WNT4: variants seen among roughly 807,000 people sequenced by gnomAD.
WNT4 encodes the protein protein Wnt-4.
WNT4 carries 16 observed loss-of-function variants against 34.5 expected under a neutral mutation model. That is an observed-to-expected ratio of 0.46 (90% CI 0.31 to 0.70). The LOEUF (loss-of-function observed/expected upper bound fraction) is 0.70. WNT4 is among the 30% of genes least tolerant of loss of function. The pLI is 0.04. For missense variants in WNT4, 379 were observed against 495.9 expected, an observed-to-expected ratio of 0.76 and a Z score of 2.24; for synonymous variants, 200 against 211.9, an observed-to-expected ratio of 0.94 and a Z score of 0.49.
rs1391986057 is a variant in WNT4 at position 22,119,894 on chromosome 1, T to C, written c.*156A>G. Reference sequence around the variant, plus strand: ...CCTGGTTGGTGCCCTTGGGGTTGCCTGCCTGGTTTCGGCAATAAATAACAT... The same window carrying C: ...CCTGGTTGGTGCCCTTGGGGTTGCCCGCCTGGTTTCGGCAATAAATAACAT... On this transcript the variant is annotated 3_prime_UTR_variant, in exon 5 of 5. Transcript: ENST00000290167. The C allele has an allele frequency of 3.1e-6, 3 of 962,234 alleles. No homozygotes were observed. Among genetic ancestry groups the C allele is most frequent in the Non-Finnish European group, 3.1e-6 (2 of 652,108 alleles). 59.6% of individuals were successfully genotyped at this position (962,234 alleles called of 1,614,324 possible). A position where few individuals can be genotyped will look rare whatever the true frequency, so the allele number is the denominator to read the frequency against.
In WNT4 at chr1:22,137,775, C is replaced by G. The variant is rs1365653348; in HGVS notation, c.77+5071G>C. Among the ~76,000 whole-genome samples, 1 of 152,206 alleles carries G rather than the reference C, an allele frequency of 6.6e-6. No homozygotes were observed. The highest frequency in any genetic ancestry group is 2.4e-5 in the African/African-American group (1 of 41,450). Reference sequence around the variant, plus strand: ...TGGGGGAGAAACACTCAGCCTGGCTCTCAGGGTCTGTTCCGGCCCAGCAGT... The same window carrying G: ...TGGGGGAGAAACACTCAGCCTGGCTGTCAGGGTCTGTTCCGGCCCAGCAGT... On this transcript the variant is annotated intron_variant, in intron 1 of 4. Coordinates refer to ENST00000290167, the MANE Select transcript of WNT4 (RefSeq NM_030761.5). The surrounding 1 kb of genome is among the most constrained non-coding windows in gnomAD (Gnocchi z 5.3).
rs59277012 is a variant in WNT4 at position 22,134,032 on chromosome 1, CTG to C, written c.78-4183_78-4182del. Among the ~76,000 whole-genome samples the C allele has an allele frequency of 8.6e-3, 1,309 of 152,358 alleles. 18 individuals carry two copies. The highest frequency in any genetic ancestry group is 0.031 in the African/African-American group (1,273 of 41,572). ...TCTGCGACTCCTCCCAGCTCTTACG[CTG>C]TGAGTCAAGAGGAGAGGGGACGGGA... is the stretch of plus-strand genomic sequence containing the variant. On this transcript the variant is annotated intron_variant, in intron 1 of 4. Coordinates refer to ENST00000290167, the MANE Select transcript of WNT4 (RefSeq NM_030761.5). This position sits in a 1 kb window ranked among gnomAD's most constrained non-coding sequence, Gnocchi z 4.1.
Position 22,121,556 on chromosome 1 carries a change from C to A in WNT4, c.334G>T (p.Val112Leu), listed in dbSNP as rs1360589444. Residue 112 changes from valine to leucine, a missense_variant, in exon 3 of 5, where the codon GTG becomes TTG. By Grantham distance (32) the Val-to-Leu change is conservative. Coordinates refer to ENST00000290167, the MANE Select transcript of WNT4 (RefSeq NM_030761.5). ...ACACCTGCCGAAGAGATGGCGTACACGAAGGCCGCCTCCCGAGTCCCTGTG... is the reference window on the plus strand; with the variant it reads ...ACACCTGCCGAAGAGATGGCGTACAAGAAGGCCGCCTCCCGAGTCCCTGTG... ...VTQGTREAAF[V>L]YAISSAGVAF... is the part of the protein sequence containing the mutation. 1 of 1,613,670 alleles carries A rather than the reference C, an allele frequency of 6.2e-7. No homozygotes were observed. Among genetic ancestry groups the A allele is most frequent in the Non-Finnish European group, 8.5e-7 (1 of 1,180,024 alleles).
chr1:22,120,305 A>T lies in WNT4; in HGVS notation c.801T>A (p.Asp267Glu), dbSNP rs201963772. Residue 267 changes from aspartate to glutamate, a missense_variant, in exon 5 of 5, where the codon GAT (aspartate) becomes GAA (glutamate). This residue lies in a region of WNT4 where 313 missense variants were observed against 445.8 expected (regional missense o/e 0.70). Coordinates refer to ENST00000290167, the MANE Select transcript of WNT4 (RefSeq NM_030761.5). ...TAGGCTCCAAGTACACCAGGTCCTC[A>T]TCTGTGTGCGGCTTGAACTGTGCGT... Reference protein sequence around the residue: ...PRNAQFKPHTDEDLVYLEPSP... With the variant: ...PRNAQFKPHTEEDLVYLEPSP... 1.4e-4 allele frequency: 220 copies of T among 1,614,112 alleles called. No individual in the cohort carries two copies. The highest frequency in any genetic ancestry group is 2.4e-5 in the Non-Finnish European group (28 of 1,180,044).
rs1376565172 is a variant in WNT4, at chr1:22,134,329, G to T, written c.78-4478C>A. Reference sequence around the variant, plus strand: ...CCTTGGGGGATGCGGGCCAGTGGGGGCGAAAGTGACCACAGTCCCCATCTA... The same window carrying T: ...CCTTGGGGGATGCGGGCCAGTGGGGTCGAAAGTGACCACAGTCCCCATCTA... On this transcript the variant is annotated intron_variant, in intron 1 of 4. Coordinates refer to ENST00000290167, the MANE Select transcript of WNT4 (RefSeq NM_030761.5). The surrounding 1 kb of genome is among the most constrained non-coding windows in gnomAD (Gnocchi z 4.1). 6.6e-6 allele frequency among the ~76,000 whole-genome samples: 1 copy of T among 152,194 alleles called. No individual in the cohort carries two copies. The highest frequency in any genetic ancestry group is 1.9e-4 in the East Asian group (1 of 5,190).
intron 2 of WNT4, among the ~76,000 whole-genome samples, chr1:22,124,568 G>A (rs1003511537): frequency 1.5e-4 from 23 of 152,206 alleles, no homozygotes; most frequent in Admixed American, 1.4e-3. Context: ...CCTTAGCAAT[G>A]AGCTCTCTAC....
intron 4 of WNT4, 65 bp downstream of exon 4, chr1:22,121,146 G>A: frequency 6.6e-7 from 1 of 1,508,990 alleles, no homozygotes; most frequent in African/African-American, 2.0e-5. Flanking sequence ...GTGTGGGTGG[G>A]AGAGTCTGGG....
intron 1 of WNT4, among the ~76,000 whole-genome samples, chr1:22,133,866 T>C (rs922317977): frequency 2.0e-5 from 3 of 152,236 alleles, no homozygotes; most frequent in African/African-American, 7.2e-5. Flanking sequence ...GGAGGGCCCT[T>C]GCCCTGCCAG....
chr1:22,120,599 C>G, intron 4 of WNT4, 82 bp from the exon 5 acceptor site: 1 of 1,413,984 alleles, frequency 7.1e-7, no homozygotes, highest in Non-Finnish European at 9.7e-7. Flanking sequence ...GACAGCCGAG[C>G]ATCGGGGTCC....
At chr1:22,129,496 G>C in intron 2 of WNT4, 120 bp downstream of exon 2, 6 of 1,222,824 alleles carry the variant, frequency 4.9e-6, no homozygotes, top group Non-Finnish European at 7.0e-6. Context: ...TGGGTCCTGT[G>C]CTGGTTTTGC....
Position 22,129,284 on chromosome 1 carries a change from C to T in WNT4, c.313+332G>A, listed in dbSNP as rs369432906. On this transcript the variant is annotated intron_variant, in intron 2 of 4. Transcript: ENST00000290167. ...GAACCTTGGGCAAGTCAGTGGTGTCCCCTGCCTGAGCCTCAGTTTCTTCCT... is the reference window on the plus strand; with the variant it reads ...GAACCTTGGGCAAGTCAGTGGTGTCTCCTGCCTGAGCCTCAGTTTCTTCCT... 4.5e-4 allele frequency among the ~76,000 whole-genome samples: 69 copies of T among 152,266 alleles called. 1 individual carries two copies. The East Asian group carries it at 8.9e-3, about 20-fold the overall frequency.
intron 2 of WNT4, among the ~76,000 whole-genome samples, chr1:22,125,669 C>T (rs1645934916): frequency 6.6e-6 from 1 of 152,192 alleles, no homozygotes; most frequent in South Asian, 2.1e-4. Context: ...TCAAGTCCTT[C>T]ATCTCAGGAC....
chr1:22,129,494 G>A (rs1645965747), intron 2 of WNT4, 122 bp downstream of exon 2: 4 of 1,208,918 alleles, frequency 3.3e-6, no homozygotes, highest in East Asian at 5.1e-5. Flanking sequence ...CTTGGGTCCT[G>A]TGCTGGTTTT....
intron 2 of WNT4, among the ~76,000 whole-genome samples, chr1:22,125,810 C>T (rs1379409255): frequency 6.6e-6 from 1 of 152,160 alleles, no homozygotes; most frequent in East Asian, 1.9e-4. Flanking sequence ...TGCCCAGGCA[C>T]ACCTTTGCCA....
At chr1:22,135,541 G>A (rs1646015396) in intron 1 of WNT4, among the ~76,000 whole-genome samples, 1 of 152,160 alleles carries the variant, frequency 6.6e-6, no homozygotes. Flanking sequence ...CTGAACTACA[G>A]TGAGGTGTCT....
At chr1:22,130,235 C>T (rs1452709344) in intron 1 of WNT4, among the ~76,000 whole-genome samples, 1 of 151,730 alleles carries the variant, frequency 6.6e-6, no homozygotes, top group African/African-American at 2.4e-5. Context: ...AGCTAGGAGG[C>T]TGGAGCCGCT....
Position 22,142,386 on chromosome 1 carries a change from C to G in WNT4, c.77+460G>C, listed in dbSNP as rs1200483384. ...CACGCCTCCAGCCCAGCCCGCAGCG[C>G]GGCGCAGCTCGGCGCAGCTCGGCGC... On this transcript the variant is annotated intron_variant, in intron 1 of 4. Transcript: ENST00000290167. The surrounding 1 kb of genome is among the most constrained non-coding windows in gnomAD (Gnocchi z 6.0). 1.5e-5 allele frequency among the ~76,000 whole-genome samples: 2 copies of G among 132,048 alleles called. No individual in the cohort carries two copies. The highest frequency in any genetic ancestry group is 5.1e-5 in the African/African-American group (2 of 39,228). 86.6% of individuals were successfully genotyped at this position (132,048 alleles called of 152,430 possible). A position where few individuals can be genotyped will look rare whatever the true frequency, so the allele number is the denominator to read the frequency against.
chr1:22,136,088 T>C (rs1020672295), intron 1 of WNT4, among the ~76,000 whole-genome samples: 1 of 152,090 alleles, frequency 6.6e-6, no homozygotes, highest in African/African-American at 2.4e-5. Flanking sequence ...CCCAACCCCA[T>C]TTCCCATCTC....
chr1:22,141,066 G>T (rs1256494553), intron 1 of WNT4, among the ~76,000 whole-genome samples: 2 of 152,342 alleles, frequency 1.3e-5, no homozygotes, highest in South Asian at 2.1e-4. Flanking sequence ...AGGGAAGGGG[G>T]TATAGGGTCA....
Sources: allele counts gnomAD v4.1 joint callset (sites outside exome capture counted in the v4.1 genomes callset), GRCh38; gene constraint gnomAD v4.1.1; regional missense constraint gnomAD v4.1.1; non-coding constraint Gnocchi (gnomAD v3.1); transcripts MANE v1.5; gene names NCBI Gene and HGNC (gene_info 2026-07-23, HGNC 2026-07-21).